The following HSP90AA1 variants were observed in gnomAD, a reference collection of about 807,000 sequenced individuals.
The protein encoded by HSP90AA1 is heat shock protein 90 alpha family class A member 1.
In HSP90AA1, 18 loss-of-function variants were observed where a neutral mutation model predicts 73.3. The ratio of observed to expected loss-of-function variants is 0.25; its 90% CI spans 0.17 to 0.36. The LOEUF (loss-of-function observed/expected upper bound fraction) is 0.36. HSP90AA1 is among the 10% of genes least tolerant of loss of function. The probability of loss-of-function intolerance (pLI) is 1.00; values close to 1 mark genes in which losing one functional copy is unlikely to be tolerated. For synonymous variants in HSP90AA1, 477 were observed against 296.9 expected, an observed-to-expected ratio of 1.61 and a Z score of -6.24; for missense variants, 704 against 874.2, an observed-to-expected ratio of 0.81 and a Z score of 2.45.
intron 1 of HSP90AA1, among the ~76,000 whole-genome samples, chr14:102,107,417 C>CAA (rs1566730036): frequency 6.6e-6 from 1 of 151,942 alleles, no homozygotes; most frequent in Admixed American, 6.6e-5. Flanking sequence ...CTCTGCCTCC[C>CAA]GGGTTCAAGC....
In HSP90AA1 at chr14:102,084,162, C is replaced by CG. The variant is rs35503105; in HGVS notation, c.1148-180dup. 686 of 695,044 alleles carry CG rather than the reference C, an allele frequency of 9.9e-4. 4 individuals carry two copies. Among genetic ancestry groups the CG allele is most frequent in the African/African-American group, 7.3e-3 (409 of 56,320 alleles). The allele number at this position is 695,044 out of a possible 1,614,324, so 43.1% of individuals were successfully genotyped here. ...TCCACTCACTGCAACCTCTGCCTCC[C>CG]GGGGGGGTTCAAGCTGTTTTCATGC... is the stretch of plus-strand genomic sequence containing the variant. On this transcript the variant is annotated intron_variant, in intron 6 of 10. Coordinates refer to ENST00000216281, the MANE Select transcript of HSP90AA1 (RefSeq NM_005348.4).
rs1216814067 is a variant in HSP90AA1 at position 102,083,118 on chromosome 14, C to T, written c.1671G>A (p.Glu557=). 6.2e-7 allele frequency: 1 copy of T among 1,613,650 alleles called. No individual in the cohort carries two copies. Residue 557 remains glutamate (E), a synonymous_variant, in exon 9 of 11, where the codon GAG becomes GAA. Coordinates refer to ENST00000216281, the MANE Select transcript of HSP90AA1 (RefSeq NM_005348.4). The stretch of plus-strand genomic sequence containing the variant: ...TTTTTTTCTCTTCCTGCTTCTTTTT[C>T]TCTTCTTCATCCTCTGGAAGTTCCA... The part of the protein sequence containing the change: ...EGLELPEDEE[E]KKKQEEKKTK...
intron 1 of HSP90AA1, among the ~76,000 whole-genome samples, chr14:102,109,632 T>C (rs2049613333): frequency 6.6e-6 from 1 of 152,220 alleles, no homozygotes; most frequent in South Asian, 2.1e-4. Flanking sequence ...GTCTTGGGTA[T>C]GTCCTTACCA....
In HSP90AA1 at chr14:102,085,443, G is replaced by T. The variant is rs370584563; in HGVS notation, c.530-12C>A. The stretch of plus-strand genomic sequence containing the variant: ...ACCCATAGGTTCACCTGCAAGAGAA[G>T]AAAGAAAAATTGACTTAATACATTC... On this transcript the variant is annotated splice_polypyrimidine_tract_variant and intron_variant, in intron 3 of 10. Coordinates refer to ENST00000216281, the MANE Select transcript of HSP90AA1 (RefSeq NM_005348.4). The T allele has an allele frequency of 3.4e-5, 52 of 1,534,752 alleles. No individual in the cohort carries two copies. The highest frequency in any genetic ancestry group is 1.7e-4 in the Middle Eastern group (1 of 5,928).
intron 2 of HSP90AA1, among the ~76,000 whole-genome samples, chr14:102,100,849 A>C (rs1046791769): frequency 6.6e-6 from 1 of 152,204 alleles, no homozygotes; most frequent in Non-Finnish European, 1.5e-5. Flanking sequence ...ACTTCCATGT[A>C]CTTCAATTTC....
intron 2 of HSP90AA1, chr14:102,101,773 T>G: frequency 2.2e-6 from 2 of 899,368 alleles, no homozygotes; most frequent in Non-Finnish European, 3.6e-6. Context: ...GAGAGTGACA[T>G]TGTTTTAGCT....
chr14:102,081,573 A>T lies in HSP90AA1; in HGVS notation c.*139T>A, dbSNP rs1281908470. 4.5e-6 allele frequency: 3 copies of T among 669,926 alleles called. No homozygotes were observed. The African/African-American group carries it at 5.4e-5, about 12-fold the overall frequency. The allele number at this position is 669,926 out of a possible 1,614,324, so 41.5% of individuals were successfully genotyped here. On this transcript the variant is annotated 3_prime_UTR_variant, in exon 11 of 11. Coordinates refer to ENST00000216281, the MANE Select transcript of HSP90AA1 (RefSeq NM_005348.4). ...TCACAGCATCACTTAGTAGACAGAA[A>T]TCTTATCTTCCCCTTAAAGTAGTTG...
intron 8 of HSP90AA1, 109 bp downstream of exon 8, chr14:102,083,437 G>C (rs1322206461): frequency 2.8e-6 from 4 of 1,409,004 alleles, no homozygotes; most frequent in African/African-American, 1.4e-5. Flanking sequence ...TAATTATCTT[G>C]CCTAGATCAA....
intron 1 of HSP90AA1, 103 bp downstream of exon 1, chr14:102,086,883 G>T: frequency 1.5e-6 from 1 of 658,968 alleles, no homozygotes; most frequent in Non-Finnish European, 1.9e-6. Flanking sequence ...GGCCCTGGCT[G>T]CTTCAGGGAT....
Position 102,083,677 on chromosome 14 carries a change from T to C in HSP90AA1, c.1355A>G (p.Asp452Gly). The change falls in exon 8 of 11, where the codon GAC becomes GGC. Residue 452 changes from aspartate (D) to glycine (G), a missense_variant. By Grantham distance (94) the Asp-to-Gly change is moderately conservative. Transcript: ENST00000216281. ...SKNIKLGIHEDSQNRKKLSEL... is the reference protein window; with the variant it reads ...SKNIKLGIHEGSQNRKKLSEL... ...TGAAAGCTTCTTCCGATTTTGAGAG[T>C]CTTCGTGTATTCCAAGCTGAAACAA... 6.2e-7 allele frequency: 1 copy of C among 1,612,794 alleles called. No individual in the cohort carries two copies.
At chr14:102,118,898 C>T (rs547098216) in intron 1 of HSP90AA1, among the ~76,000 whole-genome samples, 46 of 146,696 alleles carry the variant, frequency 3.1e-4, no homozygotes, top group Non-Finnish European at 3.9e-4. Context: ...TCTATCATTC[C>T]GGCTGGAGTG....
chr14:102,087,263 T>G, upstream of HSP90AA1: 2 of 548,890 alleles, frequency 3.6e-6, no homozygotes, highest in Non-Finnish European at 4.6e-6. Flanking sequence ...CTTCCCTCAA[T>G]CGCCGCCGCG....
At chr14:102,113,649 G>A (rs1342589187) in intron 1 of HSP90AA1, among the ~76,000 whole-genome samples, 4 of 152,050 alleles carry the variant, frequency 2.6e-5, no homozygotes, top group African/African-American at 7.2e-5. Flanking sequence ...CCAGAGTGCT[G>A]GGATACAAGC....
intron 1 of HSP90AA1, among the ~76,000 whole-genome samples, chr14:102,135,309 G>A (rs1236953055): frequency 6.6e-6 from 1 of 150,832 alleles, no homozygotes; most frequent in Admixed American, 6.6e-5. Flanking sequence ...GTGCCGACTG[G>A]TGTATTTACA....
At chr14:102,108,912 A>C (rs1423792595) in intron 1 of HSP90AA1, among the ~76,000 whole-genome samples, 1 of 152,210 alleles carries the variant, frequency 6.6e-6, no homozygotes, top group Admixed American at 6.6e-5. Flanking sequence ...GATAGTGGTC[A>C]TTCTCTTCCT....
At chr14:102,116,820 G>A (rs1187066982) in intron 1 of HSP90AA1, among the ~76,000 whole-genome samples, 2 of 152,084 alleles carry the variant, frequency 1.3e-5, no homozygotes, top group Admixed American at 6.5e-5. Flanking sequence ...GGGTGGGCAG[G>A]CAGAAAGGGG....
exon 1 of HSP90AA1, chr14:102,139,647 A>G (rs1279602272): frequency 2.8e-5 from 18 of 644,022 alleles, no homozygotes; most frequent in Non-Finnish European, 4.7e-5. Flanking sequence ...TGAAGCCGGC[A>G]TCACCTGGGA....
chr14:102,086,579 G>C (rs1311896322), intron 1 of HSP90AA1, among the ~76,000 whole-genome samples: 1 of 152,110 alleles, frequency 6.6e-6, no homozygotes, highest in East Asian at 1.9e-4. Context: ...GCGCTTCCGG[G>C]AGGCCGCCGC....
chr14:102,115,104 G>A (rs376699352), intron 1 of HSP90AA1, among the ~76,000 whole-genome samples: 177 of 150,596 alleles, frequency 1.2e-3, no homozygotes, highest in African/African-American at 4.0e-3. Flanking sequence ...CCGAGATGGC[G>A]CCACTGCACT....
Sources: allele counts gnomAD v4.1 joint callset (sites outside exome capture counted in the v4.1 genomes callset), GRCh38; gene constraint gnomAD v4.1.1; transcripts MANE v1.5; gene names NCBI Gene and HGNC (gene_info 2026-07-23, HGNC 2026-07-21).